Variants in EBF3 observed in about 807,000 individuals in gnomAD.
The protein encoded by EBF3 is EBF transcription factor 3, also known as transcription factor COE3.
Under a neutral mutation model 77.1 loss-of-function variants are expected in EBF3, and 18 were observed. The ratio of observed to expected loss-of-function variants is 0.23; its 90% CI spans 0.16 to 0.35. The LOEUF (loss-of-function observed/expected upper bound fraction) is 0.35, where lower values mean the gene tolerates loss of function less well. Among genes scored for constraint, EBF3 ranks in the 10% least tolerant of loss-of-function variants. The probability of loss-of-function intolerance (pLI) is 1.00; values close to 1 mark genes in which losing one functional copy is unlikely to be tolerated. For synonymous variants in EBF3, 350 were observed against 343.5 expected, an observed-to-expected ratio of 1.02 and a Z score of -0.21; for missense variants, 558 against 860.0, an observed-to-expected ratio of 0.65 and a Z score of 4.39.
intron 6 of EBF3, among the ~76,000 whole-genome samples, chr10:129,928,245 A>C (rs1389644304): frequency 6.6e-6 from 1 of 152,194 alleles, no homozygotes; most frequent in Non-Finnish European, 1.5e-5. Flanking sequence ...TGCCCATTGT[A>C]GAAACTTTTG....
intron 6 of EBF3, among the ~76,000 whole-genome samples, chr10:129,955,996 T>C (rs1053977757): frequency 1.3e-5 from 2 of 152,234 alleles, no homozygotes; most frequent in African/African-American, 4.8e-5. Flanking sequence ...ATATTGATTT[T>C]CATAGTTCGA....
At chr10:129,890,591 A>G (rs1853955694) in intron 6 of EBF3, among the ~76,000 whole-genome samples, 1 of 152,250 alleles carries the variant, frequency 6.6e-6, no homozygotes, top group Admixed American at 6.5e-5. Context: ...GGAATAGACT[A>G]TTTACCATTT....
chr10:129,867,444 C>A (rs1852102548), intron 9 of EBF3, among the ~76,000 whole-genome samples, 177 bp from the exon 10 acceptor site: 1 of 152,202 alleles, frequency 6.6e-6, no homozygotes, highest in Admixed American at 6.5e-5. Flanking sequence ...AAAATATCTG[C>A]AAATGATCCC....
intron 6 of EBF3, among the ~76,000 whole-genome samples, chr10:129,884,150 C>T (rs914019650): frequency 6.6e-6 from 1 of 152,160 alleles, no homozygotes; most frequent in Non-Finnish European, 1.5e-5. Flanking sequence ...CTGGGAAGTC[C>T]CTGAAAGCAG....
intron 6 of EBF3, among the ~76,000 whole-genome samples, chr10:129,942,356 T>A: frequency 6.6e-6 from 1 of 151,888 alleles, no homozygotes. Flanking sequence ...ACCCCCAAAA[T>A]CACAAAAACA....
chr10:129,871,117 T>C (rs1054511676), intron 8 of EBF3, among the ~76,000 whole-genome samples: 1 of 152,226 alleles, frequency 6.6e-6, no homozygotes, highest in African/African-American at 2.4e-5. Context: ...TCAGTTGTCC[T>C]TATTGCATAA....
In EBF3 at chr10:129,885,819, T is replaced by C. The variant is rs1234847960; in HGVS notation, c.555-7970A>G. ...ACAACAGACGCACCCCCCTGACTTG[T>C]TGCCAGCTCCAGGGGAGGCTTTTAC... On this transcript the variant is annotated intron_variant, in intron 6 of 16. Coordinates refer to ENST00000440978, the MANE Select transcript of EBF3 (RefSeq NM_001375380.1). This position sits in a 1 kb window ranked among gnomAD's most constrained non-coding sequence, Gnocchi z 4.0. 1.3e-5 allele frequency among the ~76,000 whole-genome samples: 2 copies of C among 152,150 alleles called. No individual in the cohort carries two copies. Among genetic ancestry groups the C allele is most frequent in the Non-Finnish European group, 2.9e-5 (2 of 68,028 alleles).
intron 4 of EBF3, among the ~76,000 whole-genome samples, chr10:129,960,044 C>G (rs1199461890): frequency 6.6e-6 from 1 of 151,644 alleles, no homozygotes; most frequent in Admixed American, 6.6e-5. Flanking sequence ...GCTGGGAACC[C>G]GAGCTGGGGA....
Position 129,879,008 on chromosome 10 carries a change from T to C in EBF3, c.555-1159A>G, listed in dbSNP as rs553524402. ...TTTCCCGCCATGCCTTGCCCTTATG[T>C]TTCATGGCATGAAGATTCAGGGGTC... On this transcript the variant is annotated intron_variant, in intron 6 of 16. Coordinates refer to ENST00000440978, the MANE Select transcript of EBF3 (RefSeq NM_001375380.1). The surrounding 1 kb of genome is among the most constrained non-coding windows in gnomAD (Gnocchi z 4.7). 1.3e-5 allele frequency among the ~76,000 whole-genome samples: 2 copies of C among 152,206 alleles called. No homozygotes were observed. Among genetic ancestry groups the C allele is most frequent in the South Asian group, 4.1e-4 (2 of 4,828 alleles).
At chr10:129,939,568 C>T (rs1040013713) in intron 6 of EBF3, among the ~76,000 whole-genome samples, 2 of 152,136 alleles carry the variant, frequency 1.3e-5, no homozygotes, top group African/African-American at 4.8e-5. Flanking sequence ...GGTGAGGAAA[C>T]AGTTCAAGGG....
chr10:129,951,712 C>T (rs1408401458), intron 6 of EBF3, among the ~76,000 whole-genome samples: 1 of 152,236 alleles, frequency 6.6e-6, no homozygotes, highest in Non-Finnish European at 1.5e-5. Flanking sequence ...CGGCAGGCGA[C>T]CACGCAAGCT....
At chr10:129,940,774 G>A (rs1305859814) in intron 6 of EBF3, among the ~76,000 whole-genome samples, 1 of 152,166 alleles carries the variant, frequency 6.6e-6, no homozygotes, top group African/African-American at 2.4e-5. Context: ...GGTGGCCCAG[G>A]ATGCCAGGGG....
intron 6 of EBF3, among the ~76,000 whole-genome samples, chr10:129,956,440 A>G (rs556766238): frequency 2.0e-5 from 3 of 152,318 alleles, no homozygotes; most frequent in South Asian, 2.1e-4. Flanking sequence ...GGAAAGAAAG[A>G]AATCCTCCTC....
chr10:129,873,179 T>C (rs1852522447), intron 8 of EBF3, among the ~76,000 whole-genome samples: 1 of 152,114 alleles, frequency 6.6e-6, no homozygotes, highest in Non-Finnish European at 1.5e-5. Flanking sequence ...TAAATTAAAA[T>C]CGCAAGAAAA....
At chr10:129,883,024 CTT>C (rs1484994676) in intron 6 of EBF3, among the ~76,000 whole-genome samples, 7 of 152,192 alleles carry the variant, frequency 4.6e-5, no homozygotes, top group African/African-American at 1.4e-4. Context: ...AAAAAGGAAA[CTT>C]TGAACTGTTC....
intron 6 of EBF3, among the ~76,000 whole-genome samples, chr10:129,899,954 G>A (rs1854667123): frequency 6.6e-6 from 1 of 152,224 alleles, no homozygotes; most frequent in Non-Finnish European, 1.5e-5. Flanking sequence ...ATTCAGATGT[G>A]TTCCCTGCTC....
rs923356620 is a variant in EBF3 at position 129,837,767 on chromosome 10, A to C, written c.*176T>G. ...GTAGGCTGTTTGCATGTTGATTCTT[A>C]ATAGTTTAAATAAAATCTTTAAACA... On this transcript the variant is annotated 3_prime_UTR_variant, in exon 17 of 17. Coordinates refer to ENST00000440978, the MANE Select transcript of EBF3 (RefSeq NM_001375380.1). The C allele has an allele frequency of 1.3e-6, 1 of 751,784 alleles. No homozygotes were observed. The highest frequency in any genetic ancestry group is 2.2e-6 in the Non-Finnish European group (1 of 460,114). The allele number at this position is 751,784 out of a possible 1,614,324, so 46.6% of individuals were successfully genotyped here. A position where few individuals can be genotyped will look rare whatever the true frequency, so the allele number is the denominator to read the frequency against.
rs1367310726 is a variant in EBF3 at position 129,837,147 on chromosome 10, A to G, written c.*796T>C. ...CACAGTAGCCTAAGAATGCAATAGT[A>G]TACAGTGCTAGCAAAAGTTGAAAAA... On this transcript the variant is annotated 3_prime_UTR_variant, in exon 17 of 17. Coordinates refer to ENST00000440978, the MANE Select transcript of EBF3 (RefSeq NM_001375380.1). 6.6e-6 allele frequency: 1 copy of G among 152,668 alleles called. No individual in the cohort carries two copies. The highest frequency in any genetic ancestry group is 1.5e-5 in the Non-Finnish European group (1 of 68,052). 9.5% of individuals were successfully genotyped at this position (152,668 alleles called of 1,614,324 possible). A position where few individuals can be genotyped will look rare whatever the true frequency, so the allele number is the denominator to read the frequency against.
At position 129,837,665 on chromosome 10, in the gene EBF3, T is replaced by C. The variant is rs937156560; in HGVS notation, c.*278A>G. Reference sequence around the variant, plus strand: ...TATACAAAATAGGCGTCGCTTTGTTTTCCTTATTCTTCAGGACTGAGAAAT... The same window carrying C: ...TATACAAAATAGGCGTCGCTTTGTTCTCCTTATTCTTCAGGACTGAGAAAT... On this transcript the variant is annotated 3_prime_UTR_variant, in exon 17 of 17. Coordinates refer to ENST00000440978, the MANE Select transcript of EBF3 (RefSeq NM_001375380.1). 1.8e-5 allele frequency: 8 copies of C among 441,656 alleles called. No homozygotes were observed. Among genetic ancestry groups the C allele is most frequent in the Non-Finnish European group, 2.0e-5 (5 of 249,976 alleles). The allele number at this position is 441,656 out of a possible 1,614,324, so 27.4% of individuals were successfully genotyped here.
Sources: gnomAD v4.1 joint callset for allele counts (sites outside exome capture counted in the v4.1 genomes callset) on GRCh38, gnomAD v4.1.1 for gene constraint, Gnocchi (gnomAD v3.1) non-coding constraint, MANE v1.5 for transcripts, NCBI Gene and HGNC (gene_info 2026-07-23, HGNC 2026-07-21) for gene names.